Variants in MAPK10 observed in about 807,000 individuals in gnomAD.
The protein encoded by MAPK10 is JNK3 alpha protein kinase.
In MAPK10, 25 loss-of-function variants were observed where a neutral mutation model predicts 59.3. That is an observed-to-expected ratio of 0.42 (90% CI 0.31 to 0.59). MAPK10 has a LOEUF of 0.59. Among genes scored for constraint, MAPK10 ranks in the 20% least tolerant of loss-of-function variants. MAPK10 has a pLI of 0.15. For synonymous variants in MAPK10, 190 were observed against 200.5 expected (o/e 0.95, Z 0.44); for missense variants, 351 against 568.9 (o/e 0.62, Z 3.90).
chr4:86,497,152 C>T (rs547954515), intron 1 of MAPK10, among the ~76,000 whole-genome samples: 23 of 152,182 alleles, frequency 1.5e-4, no homozygotes, highest in Non-Finnish European at 2.2e-4. Flanking sequence ...TTCACATAAA[C>T]AGGACTCAAA....
intron 2 of MAPK10, chr4:86,321,910 T>C (rs1330758192): frequency 2.0e-5 from 3 of 151,934 alleles, no homozygotes; most frequent in African/African-American, 7.3e-5. Context: ...TTTTCCAGGC[T>C]GGTCTCACAC....
intron 1 of MAPK10, among the ~76,000 whole-genome samples, chr4:86,368,592 G>T (rs1738270027): frequency 6.6e-6 from 1 of 151,962 alleles, no homozygotes. Context: ...AGAATTCAAC[G>T]GTACTTTGAA....
In MAPK10 at chr4:86,072,015, T is replaced by G. The variant is rs1282169907; in HGVS notation, c.803-4060A>C. ...CCATTTTCACGATATTGATTCTTCC[T>G]ACCCATGAGCATGGAATGTTCTTCC... On this transcript the variant is annotated intron_variant, in intron 9 of 13. Transcript: ENST00000641462. Among the ~76,000 whole-genome samples, 11 of 138,690 alleles carry G rather than the reference T, an allele frequency of 7.9e-5. 1 individual carries two copies. The highest frequency in any genetic ancestry group is 1.6e-4 in the Non-Finnish European group (10 of 64,428). 91.0% of individuals were successfully genotyped at this position (138,690 alleles called of 152,430 possible).
intron 2 of MAPK10, among the ~76,000 whole-genome samples, chr4:86,246,551 C>T (rs1250768308): frequency 1.3e-5 from 2 of 152,132 alleles, no homozygotes; most frequent in Non-Finnish European, 2.9e-5. Flanking sequence ...TAACACAACG[C>T]CAATTTTGGT....
At chr4:86,188,421 T>C (rs2078811562) in intron 3 of MAPK10, among the ~76,000 whole-genome samples, 1 of 152,216 alleles carries the variant, frequency 6.6e-6, no homozygotes, top group African/African-American at 2.4e-5. Context: ...GTTTCCTGAC[T>C]TTTTAATGCT....
chr4:86,535,491 A>G (rs75735975), intron 1 of MAPK10, among the ~76,000 whole-genome samples: 7,130 of 152,266 alleles, frequency 0.047, 220 homozygotes, highest in African/African-American at 0.059. Flanking sequence ...CTGCAGCCCT[A>G]AACTCTTGGG....
At chr4:86,339,660 T>G (rs6531922) in intron 2 of MAPK10, among the ~76,000 whole-genome samples, 1 of 151,992 alleles carries the variant, frequency 6.6e-6, no homozygotes. Context: ...GTTGCTTAAC[T>G]TCTCTGTGCC....
At chr4:86,155,012 G>C (rs1011379849) in intron 4 of MAPK10, among the ~76,000 whole-genome samples, 6 of 152,056 alleles carry the variant, frequency 3.9e-5, no homozygotes. Context: ...CTTTAGGGAA[G>C]ATGTTCCCAA....
chr4:86,046,490 G>A (rs1231136482), intron 11 of MAPK10, among the ~76,000 whole-genome samples: 2 of 150,680 alleles, frequency 1.3e-5, no homozygotes, highest in African/African-American at 4.8e-5. Flanking sequence ...GAGACAATGG[G>A]GTTTTCTAGA....
At chr4:86,103,075 C>CTGTGTG (rs10681488) in intron 6 of MAPK10, 111 bp downstream of exon 6, 99,131 of 491,450 alleles carry the variant, frequency 0.2, 4,326 homozygotes, top group Admixed American at 0.26. Context: ...GATTTCAACT[C>CTGTGTG]TGTGTGTGTG....
chr4:86,103,479 C>T (rs951815429), intron 5 of MAPK10, among the ~76,000 whole-genome samples: 1 of 151,908 alleles, frequency 6.6e-6, no homozygotes, highest in Non-Finnish European at 1.5e-5. Flanking sequence ...TGGGCAGAAG[C>T]AAGAGTCAGA....
chr4:86,064,703 T>G (rs1238234953), intron 10 of MAPK10: 1 of 299,202 alleles, frequency 3.3e-6, no homozygotes, highest in East Asian at 7.6e-5. Context: ...GTAACCTGCA[T>G]GAATATAGGA....
chr4:86,082,143 A>C (rs2050792022), intron 9 of MAPK10: 1 of 152,214 alleles, frequency 6.6e-6, no homozygotes, highest in South Asian at 2.1e-4. Context: ...TAGTAAAAAC[A>C]TAAGGAAAGT....
rs995950627 is a variant in MAPK10 at position 86,012,161 on chromosome 4, A to G, written c.*5067T>C. ...TTATACCTTAAAAAGAAATTACTGA[A>G]TTGCAGATATACAACTAGTATCTAC... On this transcript the variant is annotated 3_prime_UTR_variant, in exon 14 of 14. Coordinates refer to ENST00000641462, the MANE Select transcript of MAPK10 (RefSeq NM_138982.4). 9.2e-5 allele frequency: 14 copies of G among 152,188 alleles called. No homozygotes were observed. The highest frequency in any genetic ancestry group is 3.1e-4 in the African/African-American group (13 of 41,456). The allele number at this position is 152,188 out of a possible 1,614,324, so 9.4% of individuals were successfully genotyped here. A position where few individuals can be genotyped will look rare whatever the true frequency, so the allele number is the denominator to read the frequency against.
At chr4:86,145,299 T>C (rs1332138405) in intron 4 of MAPK10, among the ~76,000 whole-genome samples, 1 of 93,828 alleles carries the variant, frequency 1.1e-5, no homozygotes, top group Non-Finnish European at 2.1e-5. Context: ...GAGGCGGAGC[T>C]TGCAGTGAGC....
At chr4:86,271,091 C>T (rs2094420894) in intron 2 of MAPK10, among the ~76,000 whole-genome samples, 3 of 152,002 alleles carry the variant, frequency 2.0e-5, no homozygotes, top group Admixed American at 2.0e-4. Flanking sequence ...TAATAAACTA[C>T]CAAACTGCTT....
At chr4:86,145,717 T>C (rs2064821001) in intron 4 of MAPK10, among the ~76,000 whole-genome samples, 1 of 152,168 alleles carries the variant, frequency 6.6e-6, no homozygotes, top group African/African-American at 2.4e-5. Flanking sequence ...TTGCTATTTC[T>C]GTGTATCTTT....
intron 2 of MAPK10, among the ~76,000 whole-genome samples, chr4:86,214,885 T>G (rs139922972): frequency 2.0e-5 from 3 of 152,124 alleles, no homozygotes; most frequent in South Asian, 2.1e-4. Flanking sequence ...CAGAATCACA[T>G]TGATTTTTGC....
chr4:86,276,700 A>T (rs780231610), intron 2 of MAPK10, among the ~76,000 whole-genome samples: 1 of 152,158 alleles, frequency 6.6e-6, no homozygotes, highest in African/African-American at 2.4e-5. Context: ...TACTGATTGA[A>T]GCACTTCATG....
Sources: allele counts gnomAD v4.1 joint callset (sites outside exome capture counted in the v4.1 genomes callset), GRCh38; gene constraint gnomAD v4.1.1; transcripts MANE v1.5; gene names NCBI Gene and HGNC (gene_info 2026-07-23, HGNC 2026-07-21).